Variants in ARHGEF40 observed in about 807,000 individuals in gnomAD.
The protein encoded by ARHGEF40 is Rho guanine nucleotide exchange factor (GEF) 40.
ARHGEF40 carries 98 observed loss-of-function variants against 165.9 expected under a neutral mutation model. The ratio of observed to expected loss-of-function variants is 0.59; its 90% CI spans 0.50 to 0.70. The LOEUF is 0.70. Among genes scored for constraint, ARHGEF40 ranks in the 30% least tolerant of loss-of-function variants. ARHGEF40 has a pLI of 0.00. For missense variants in ARHGEF40, 1,815 were observed against 1,968.0 expected (o/e 0.92, Z 1.47); for synonymous variants, 792 against 814.3 (o/e 0.97, Z 0.47).
At position 21,078,205 on chromosome 14, in the gene ARHGEF40, A is replaced by G. The variant is rs754370987; in HGVS notation, c.2063A>G (p.Gln688Arg). ...GTGGTAAGGCTATGTCGCCTGTGCC[A>G]AGGTGTGCTGGGCTCGGTACGGCAG... ...QEVVRLCRLC[Q>R]GVLGSVRQAI... The change falls in exon 9 of 24, where the codon CAA (glutamine) becomes CGA (arginine). Residue 688 changes from glutamine to arginine, a missense_variant. By Grantham distance (43) the Gln-to-Arg change is conservative. Transcript: ENST00000298694. 1.1e-5 allele frequency: 18 copies of G among 1,613,918 alleles called. No homozygotes were observed. Among genetic ancestry groups the G allele is most frequent in the Non-Finnish European group, 1.5e-5 (18 of 1,179,970 alleles).
chr14:21,088,897 T>G, intron 23 of ARHGEF40, 21 bp downstream of exon 23: 1 of 1,610,676 alleles, frequency 6.2e-7, no homozygotes, highest in Middle Eastern at 1.7e-4. Flanking sequence ...ATCCCCAATT[T>G]CTACCACATC....
upstream of ARHGEF40, among the ~76,000 whole-genome samples, chr14:21,067,729 C>T (rs543717922): frequency 7.2e-4 from 107 of 149,514 alleles, 1 homozygote; most frequent in South Asian, 0.021. Flanking sequence ...TAAAAACACA[C>T]GTATCAACAC....
At chr14:21,088,170 T>C (rs949850777) in intron 22 of ARHGEF40, 72 bp downstream of exon 22, 18 of 1,520,402 alleles carry the variant, frequency 1.2e-5, no homozygotes, top group African/African-American at 1.4e-5. Context: ...TTTCTGATCA[T>C]TCAACCCCAG....
intron 8 of ARHGEF40, among the ~76,000 whole-genome samples, chr14:21,077,964 A>C (rs1235342167): frequency 6.6e-6 from 1 of 152,228 alleles, no homozygotes; most frequent in Non-Finnish European, 1.5e-5. Flanking sequence ...AAATCACAGA[A>C]GCCTTTCTTA....
chr14:21,078,013 T>A (rs1229439572), intron 8 of ARHGEF40, among the ~76,000 whole-genome samples, 164 bp from the exon 9 acceptor site: 1 of 152,228 alleles, frequency 6.6e-6, no homozygotes, highest in Non-Finnish European at 1.5e-5. Flanking sequence ...TTCAGGAAGG[T>A]TTCTGAACCT....
chr14:21,064,651 G>C, the ARHGEF40 span, among the ~76,000 whole-genome samples: 6 of 152,302 alleles, frequency 3.9e-5, no homozygotes, highest in East Asian at 9.6e-4. Flanking sequence ...ATACTTATGC[G>C]TGGAAATATA....
chr14:21,067,985 T>TCTCCATGAAAAAAAAAAATGA (rs1566514089), upstream of ARHGEF40, among the ~76,000 whole-genome samples: 11 of 4,288 alleles, frequency 2.6e-3, no homozygotes, highest in African/African-American at 0.013. Flanking sequence ...CTCCCCTTTT[T>TCTCCATGAAAAAAAAAAATGA]TTTTTTTTTT....
At position 21,078,476 on chromosome 14, in the gene ARHGEF40, C is replaced by T. The variant is rs75370063; in HGVS notation, c.2234C>T (p.Thr745Ile). ...GGAILMRLRS[T>I]PSSKLEGQGP... ...GCCATCCTGATGAGGCTGCGCTCCA[C>T]TCCCAGCAGCAAGTACGAAGTATGG... Residue 745 changes from threonine to isoleucine, a missense_variant, in exon 10 of 24, where the codon ACT (threonine) becomes ATT (isoleucine). Physicochemically the swap from Thr to Ile is moderately conservative, Grantham distance 89. Transcript: ENST00000298694. 308 of 1,589,584 alleles carry T rather than the reference C, an allele frequency of 1.9e-4. 2 individuals are homozygous for T. In the East Asian group the frequency reaches 6.2e-3, roughly 32 times the overall value.
At chr14:21,088,539 C>T (rs1016308764) in intron 22 of ARHGEF40, among the ~76,000 whole-genome samples, 6 of 151,684 alleles carry the variant, frequency 4.0e-5, no homozygotes, top group African/African-American at 7.3e-5. Flanking sequence ...TTAAATTAGC[C>T]GGACTTTTGA....
Position 21,082,225 on chromosome 14 carries a change from A to T in ARHGEF40, c.3252-19A>T, listed in dbSNP as rs779519051. The T allele has an allele frequency of 1.5e-5, 24 of 1,593,748 alleles. No individual in the cohort carries two copies. The highest frequency in any genetic ancestry group is 2.0e-5 in the Non-Finnish European group (23 of 1,166,468). On this transcript the variant is annotated intron_variant, in intron 14 of 23. Coordinates refer to ENST00000298694, the MANE Select transcript of ARHGEF40 (RefSeq NM_018071.5). ...GGCTCCCTCCCACACCTCCTCTGCC[A>T]CTCCTATTGTGCCTGCAGTGCCCAG... is the stretch of plus-strand genomic sequence containing the variant.
chr14:21,078,317 G>T (rs766715901), intron 9 of ARHGEF40, 45 bp downstream of exon 9: 42 of 1,604,698 alleles, frequency 2.6e-5, no homozygotes, highest in Non-Finnish European at 3.5e-5. Context: ...TTGGGATGGG[G>T]CTGGGGTGGA....
intron 13 of ARHGEF40, chr14:21,081,223 C>T: frequency 1.1e-6 from 1 of 873,702 alleles, no homozygotes; most frequent in Non-Finnish European, 1.7e-6. Context: ...CCTCACAGGG[C>T]TGCTGTGGGG....
At chr14:21,063,617 T>C in the ARHGEF40 span, among the ~76,000 whole-genome samples, 1 of 152,218 alleles carries the variant, frequency 6.6e-6, no homozygotes, top group African/African-American at 2.4e-5. Context: ...TGGGAATGAC[T>C]TCACGCTGTT....
At position 21,078,188 on chromosome 14, in the gene ARHGEF40, G is replaced by A. The variant is rs930433253; in HGVS notation, c.2046G>A (p.Arg682=). Residue 682 remains arginine, a synonymous_variant, in exon 9 of 24, where the codon AGG becomes AGA. Transcript: ENST00000298694. ...CATGTGGGTTTCAGGAAGTGGTAAG[G>A]CTATGTCGCCTGTGCCAAGGTGTGC... The part of the protein sequence containing the change: ...HWVEIHQEVV[R]LCRLCQGVLG... 4 of 1,613,538 alleles carry A rather than the reference G, an allele frequency of 2.5e-6. No homozygotes were observed. The highest frequency in any genetic ancestry group is 3.4e-6 in the Non-Finnish European group (4 of 1,179,754).
Position 21,083,967 on chromosome 14 carries a change from CTT to C in ARHGEF40, c.3707_3708del (p.Leu1236ArgfsTer27). 1 of 1,613,780 alleles carries C rather than the reference CTT, an allele frequency of 6.2e-7. No individual in the cohort carries two copies. The highest frequency in any genetic ancestry group is 8.5e-7 in the Non-Finnish European group (1 of 1,179,968). The stretch of plus-strand genomic sequence containing the variant: ...TGAGCTCAGTTCTGAGTGCCGGGCC[CTT>C]GGGGCTGCTGTACAGCTGCTCCGGG... ...GPELSSECRA[L>X]GAAVQLLREQ... is the part of the protein sequence containing the mutation. On this transcript the variant is annotated frameshift_variant, in exon 17 of 24. Transcript: ENST00000298694. LOFTEE classifies it high-confidence loss of function.
chr14:21,063,462 T>C, the ARHGEF40 span, among the ~76,000 whole-genome samples: 1 of 152,146 alleles, frequency 6.6e-6, no homozygotes, highest in Non-Finnish European at 1.5e-5. Flanking sequence ...GGCAAGGATA[T>C]AGGTTTTGTA....
At chr14:21,062,983 A>G in the ARHGEF40 span, among the ~76,000 whole-genome samples, 1 of 150,946 alleles carries the variant, frequency 6.6e-6, no homozygotes, top group African/African-American at 2.4e-5. Context: ...TTAATTAGCC[A>G]GGTGTAGGGG....
Position 21,080,753 on chromosome 14 carries a change from C to T in ARHGEF40, c.2467C>T (p.Arg823Ter), listed in dbSNP as rs1173848876. The stretch of plus-strand genomic sequence containing the variant: ...GTCTGCCCTGCAGGAGACAGAGCTG[C>T]GATTCCGTGCTTTCAGCGCTGAGGT... ...TLSALQETEL[R>*]FRAFSAEVQE... is the part of the protein sequence containing the mutation. The change falls in exon 12 of 24, where the codon CGA (arginine) becomes TGA (stop). Residue 823 changes from arginine to a stop codon, truncating the protein, a stop_gained. Transcript: ENST00000298694. LOFTEE classifies it high-confidence loss of function. The T allele has an allele frequency of 5.6e-6, 9 of 1,609,172 alleles. No homozygotes were observed. The highest frequency in any genetic ancestry group is 1.1e-5 in the South Asian group (1 of 90,436).
intron 14 of ARHGEF40, 25 bp from the exon 15 acceptor site, chr14:21,082,219 T>A (rs1417914066): frequency 6.3e-7 from 1 of 1,592,684 alleles, no homozygotes; most frequent in Admixed American, 1.7e-5. Context: ...CCACACCTCC[T>A]CTGCCACTCC....
Sources: gnomAD v4.1 joint callset for allele counts (sites outside exome capture counted in the v4.1 genomes callset) on GRCh38, gnomAD v4.1.1 for gene constraint, MANE v1.5 for transcripts, NCBI Gene and HGNC (gene_info 2026-07-23, HGNC 2026-07-21) for gene names.